The following ANKRD11 variants were observed in gnomAD, a reference collection of about 807,000 sequenced individuals.
ANKRD11 encodes the protein ankyrin repeat domain 11.
Under a neutral mutation model 195.7 loss-of-function variants are expected in ANKRD11, and 17 were observed. That is an observed-to-expected ratio of 0.09 (90% CI 0.06 to 0.13). The LOEUF is 0.13. Ranked by LOEUF, ANKRD11 falls within the 10% of genes least tolerant of loss-of-function variation. The pLI, the probability that ANKRD11 is intolerant of heterozygous loss-of-function variation, is 1.00. For synonymous variants in ANKRD11, 1,953 were observed against 1,528.1 expected (o/e 1.28, Z -6.49); for missense variants, 3,735 against 3,566.1 (o/e 1.05, Z -1.21).
At chr16:89,351,517 G>C (rs773332111) in intron 2 of ANKRD11, among the ~76,000 whole-genome samples, 1 of 152,118 alleles carries the variant, frequency 6.6e-6, no homozygotes, top group African/African-American at 2.4e-5. Flanking sequence ...GGATCCTAGC[G>C]AACTTTTTCA....
chr16:89,318,269 C>G (rs2037084687), intron 2 of ANKRD11, among the ~76,000 whole-genome samples: 1 of 152,218 alleles, frequency 6.6e-6, no homozygotes, highest in Admixed American at 6.5e-5. Flanking sequence ...TGTGGGCCTT[C>G]TAGGTTTGTT....
At chr16:89,361,299 C>A (rs936192592) in intron 2 of ANKRD11, among the ~76,000 whole-genome samples, 1 of 152,218 alleles carries the variant, frequency 6.6e-6, no homozygotes, top group Non-Finnish European at 1.5e-5. Context: ...TCCTTGGCCT[C>A]AGCACACACA....
chr16:89,436,722 C>G (rs547174294), intron 1 of ANKRD11, among the ~76,000 whole-genome samples: 1 of 152,114 alleles, frequency 6.6e-6, no homozygotes, highest in African/African-American at 2.4e-5. Context: ...ACGGAGGACA[C>G]GCGAAAAACC....
chr16:89,359,901 T>C (rs2039659505), intron 2 of ANKRD11, among the ~76,000 whole-genome samples: 1 of 152,192 alleles, frequency 6.6e-6, no homozygotes, highest in African/African-American at 2.4e-5. Context: ...TTTATATGTT[T>C]TTTAACTTTT....
Position 89,290,983 on chromosome 16 carries a change from C to A in ANKRD11, c.397+30G>T, listed in dbSNP as rs191790632. 2.6e-3 allele frequency: 4,137 copies of A among 1,610,060 alleles called. 72 individuals carry two copies. The highest frequency in any genetic ancestry group is 9.5e-4 in the Non-Finnish European group (1,124 of 1,179,642). ...GCGACCAGGCAGAGCCCCTTCCCTG[C>A]GCCAGGGACCACCCACAGGCCGGGC... On this transcript the variant is annotated intron_variant, in intron 5 of 12. Transcript: ENST00000301030.
At chr16:89,294,291 C>A (rs1444890727) in intron 4 of ANKRD11, among the ~76,000 whole-genome samples, 2 of 152,112 alleles carry the variant, frequency 1.3e-5, no homozygotes, top group Admixed American at 6.5e-5. Flanking sequence ...ACCACAGGGA[C>A]CTTGCTCTGC....
Position 89,279,507 on chromosome 16 carries a change from C to G in ANKRD11, c.7035G>C (p.Ala2345=), listed in dbSNP as rs774236725. 5 of 1,363,726 alleles carry G rather than the reference C, an allele frequency of 3.7e-6. No homozygotes were observed. In the South Asian group the frequency reaches 3.9e-5, roughly 11 times the overall value. 84.5% of individuals were successfully genotyped at this position (1,363,726 alleles called of 1,614,324 possible). A position where few individuals can be genotyped will look rare whatever the true frequency, so the allele number is the denominator to read the frequency against. ...GGGGCGGGCCCTGCTTGCTCTGGTT[C>G]GCGAGCATCTGCGCCCGGTTCCTGG... ...RMTRNRAQML[A]NQSKQGPPPS... Residue 2345 remains alanine, a synonymous_variant, in exon 9 of 13, where the codon GCG becomes GCC. Transcript: ENST00000301030. The surrounding 1 kb of genome is among the most constrained non-coding windows in gnomAD (Gnocchi z 5.6).
intron 1 of ANKRD11, among the ~76,000 whole-genome samples, chr16:89,486,270 T>G (rs2152381328): frequency 6.6e-6 from 1 of 151,922 alleles, no homozygotes; most frequent in East Asian, 1.9e-4. Context: ...GAAGACCCTG[T>G]TTCTACAAAA....
intron 3 of ANKRD11, among the ~76,000 whole-genome samples, chr16:89,315,248 T>C (rs953537633): frequency 6.6e-6 from 1 of 152,178 alleles, no homozygotes; most frequent in Non-Finnish European, 1.5e-5. Flanking sequence ...CAAAGTATTC[T>C]GCACCCTTGC....
chr16:89,304,523 GGC>G (rs1236780962), intron 4 of ANKRD11, among the ~76,000 whole-genome samples: 2 of 148,432 alleles, frequency 1.3e-5, no homozygotes, highest in Non-Finnish European at 3.0e-5. Context: ...CACACATACA[GGC>G]ACACACATGG....
At position 89,282,204 on chromosome 16, in the gene ANKRD11, C is replaced by T. The variant is rs1443266116; in HGVS notation, c.4338G>A (p.Lys1446=). The stretch of plus-strand genomic sequence containing the variant: ...TGTTGATGGCACTAGATCCATAAGG[C>T]TTTAGTTCCTTTTCTATTTTCTTGG... ...EPSKKIEKEL[K]PYGSSAINIL... is the part of the protein sequence containing the mutation. Residue 1446 remains lysine (K), a synonymous_variant, in exon 9 of 13, where the codon AAG becomes AAA. Coordinates refer to ENST00000301030, the MANE Select transcript of ANKRD11 (RefSeq NM_013275.6). The T allele has an allele frequency of 9.3e-6, 15 of 1,613,912 alleles. No homozygotes were observed. The highest frequency in any genetic ancestry group is 9.3e-6 in the Non-Finnish European group (11 of 1,180,006).
At chr16:89,386,297 T>C (rs927525256) in intron 2 of ANKRD11, among the ~76,000 whole-genome samples, 1 of 152,158 alleles carries the variant, frequency 6.6e-6, no homozygotes, top group African/African-American at 2.4e-5. Flanking sequence ...AAAGCTTGAT[T>C]ATTAAGACAG....
intron 1 of ANKRD11, among the ~76,000 whole-genome samples, chr16:89,423,886 C>T (rs192767543): frequency 8.9e-4 from 136 of 152,234 alleles, no homozygotes; most frequent in Non-Finnish European, 1.1e-3. Context: ...GAAGAGGGGT[C>T]AGCCCATAAA....
At chr16:89,378,199 G>T (rs181229563) in intron 2 of ANKRD11, among the ~76,000 whole-genome samples, 1 of 151,972 alleles carries the variant, frequency 6.6e-6, no homozygotes, top group Non-Finnish European at 1.5e-5. Flanking sequence ...TTAAGAAGCG[G>T]GAAAAAAAGT....
intron 2 of ANKRD11, among the ~76,000 whole-genome samples, chr16:89,326,577 C>T (rs1250956834): frequency 6.6e-6 from 1 of 152,004 alleles, no homozygotes; most frequent in Non-Finnish European, 1.5e-5. Flanking sequence ...CTCATCTTTA[C>T]AAAAATATCA....
chr16:89,428,963 T>C (rs965796284), intron 1 of ANKRD11, among the ~76,000 whole-genome samples: 5 of 152,166 alleles, frequency 3.3e-5, no homozygotes, highest in Admixed American at 3.3e-4. Context: ...TAATTTAGAA[T>C]GTGAGCCCAC....
intron 2 of ANKRD11, among the ~76,000 whole-genome samples, chr16:89,349,199 G>C (rs1245200622): frequency 7.0e-6 from 1 of 142,132 alleles, no homozygotes; most frequent in Non-Finnish European, 1.5e-5. Context: ...TGTGGTGTTA[G>C]CAAAAGAATC....
chr16:89,466,794 C>G (rs760723761), intron 1 of ANKRD11, among the ~76,000 whole-genome samples: 2 of 152,182 alleles, frequency 1.3e-5, no homozygotes, highest in African/African-American at 4.8e-5. Context: ...ACAAAAGATG[C>G]AAAGAGCCAA....
intron 2 of ANKRD11, among the ~76,000 whole-genome samples, chr16:89,347,941 T>C (rs1043900491): frequency 1.1e-4 from 17 of 151,680 alleles, no homozygotes; most frequent in Admixed American, 3.9e-4. Flanking sequence ...TGGGATTTTG[T>C]CTTTTTTTTT....
Sources: gnomAD v4.1 joint callset for allele counts (sites outside exome capture counted in the v4.1 genomes callset) on GRCh38, gnomAD v4.1.1 for gene constraint, Gnocchi (gnomAD v3.1) non-coding constraint, MANE v1.5 for transcripts, NCBI Gene and HGNC (gene_info 2026-07-23, HGNC 2026-07-21) for gene names.